The following FOCAD variants were observed in gnomAD, a reference collection of about 807,000 sequenced individuals.
The protein encoded by FOCAD is focadhesin, also known as KIAA1797.
FOCAD carries 198 observed loss-of-function variants against 225.6 expected under a neutral mutation model. The observed-to-expected ratio is 0.88, with a 90% confidence interval of 0.78 to 0.99. The LOEUF (loss-of-function observed/expected upper bound fraction) is 0.99, where lower values mean the gene tolerates loss of function less well. Ranked by LOEUF, FOCAD falls within the 50% of genes least tolerant of loss-of-function variation. The pLI, the probability that FOCAD is intolerant of heterozygous loss-of-function variation, is 0.00. For synonymous variants in FOCAD, 897 were observed against 755.0 expected, an observed-to-expected ratio of 1.19 and a Z score of -3.08; for missense variants, 2,713 against 2,123.6, an observed-to-expected ratio of 1.28 and a Z score of -5.46.
chr9:20,837,697 A>G (rs1390089106), intron 15 of FOCAD, among the ~76,000 whole-genome samples: 1 of 152,124 alleles, frequency 6.6e-6, no homozygotes, highest in East Asian at 1.9e-4. Context: ...AAGAATTATT[A>G]TATCTGTTTT....
intron 26 of FOCAD, among the ~76,000 whole-genome samples, chr9:20,926,851 G>T (rs996606087): frequency 6.6e-6 from 1 of 150,874 alleles, no homozygotes; most frequent in Non-Finnish European, 1.5e-5. Context: ...CTCAGCCCTG[G>T]CTATTTGTTA....
chr9:20,663,495 A>C (rs961518065), intron 2 of FOCAD, among the ~76,000 whole-genome samples: 6 of 151,722 alleles, frequency 4.0e-5, no homozygotes, highest in African/African-American at 1.5e-4. Context: ...ACACACACAC[A>C]CACACACACA....
rs562926570 is a variant in FOCAD, at chr9:20,939,741, T to A, written c.3408-4886T>A. ...TATTTTTTATTTTTTAAATTTATTTTATTTTTTTTCTTTCTTTTTTTTAAA... is the reference window on the plus strand; with the variant it reads ...TATTTTTTATTTTTTAAATTTATTTAATTTTTTTTCTTTCTTTTTTTTAAA... On this transcript the variant is annotated intron_variant, in intron 28 of 43. Transcript: ENST00000338382. Among the ~76,000 whole-genome samples the A allele has an allele frequency of 2.1e-3, 318 of 151,616 alleles. 2 individuals are homozygous for A. The highest frequency in any genetic ancestry group is 7.3e-3 in the African/African-American group (301 of 41,468).
Position 20,988,338 on chromosome 9 carries a change from T to G in FOCAD, c.4913T>G (p.Leu1638Trp). 4 of 1,602,958 alleles carry G rather than the reference T, an allele frequency of 2.5e-6. No individual in the cohort carries two copies. Among genetic ancestry groups the G allele is most frequent in the Non-Finnish European group, 3.4e-6 (4 of 1,173,658 alleles). Residue 1638 changes from leucine (L) to tryptophan (W), a missense_variant, in exon 41 of 44, where the codon TTG (leucine) becomes TGG (tryptophan). Physicochemically the swap from Leu to Trp is moderately conservative, Grantham distance 61. Transcript: ENST00000338382. ...RIVSHANTGV[L>W]KRMEWLLELM... ...AATACCCTTTTCATTTCAGGCGTTTTGAAGAGAATGGAGTGGCTCTTGGAA... is the reference window on the plus strand; with the variant it reads ...AATACCCTTTTCATTTCAGGCGTTTGGAAGAGAATGGAGTGGCTCTTGGAA...
chr9:20,880,066 A>T (rs1220769188), intron 19 of FOCAD, among the ~76,000 whole-genome samples: 1 of 152,214 alleles, frequency 6.6e-6, no homozygotes, highest in Admixed American at 6.5e-5. Context: ...GTGTATGTGT[A>T]TGCAGAAATT....
upstream of FOCAD, among the ~76,000 whole-genome samples, chr9:20,655,743 C>G (rs1230012272): frequency 1.3e-5 from 2 of 152,044 alleles, no homozygotes; most frequent in Admixed American, 6.6e-5. Context: ...GGAGTCATGA[C>G]TTTTTTGAAG....
intron 23 of FOCAD, among the ~76,000 whole-genome samples, chr9:20,916,252 T>A (rs990735249): frequency 2.6e-5 from 4 of 152,222 alleles, no homozygotes; most frequent in Admixed American, 2.0e-4. Flanking sequence ...TTACTTCATA[T>A]TGAAAATTCT....
intron 8 of FOCAD, among the ~76,000 whole-genome samples, chr9:20,771,801 G>T (rs144205374): frequency 1.3e-5 from 2 of 152,304 alleles, no homozygotes; most frequent in East Asian, 3.9e-4. Flanking sequence ...AGTTCTGAAG[G>T]CTGGAGAGTC....
At chr9:20,894,029 A>G (rs1375184979) in intron 21 of FOCAD, among the ~76,000 whole-genome samples, 1 of 152,052 alleles carries the variant, frequency 6.6e-6, no homozygotes, top group Non-Finnish European at 1.5e-5. Context: ...GCAATCTCCC[A>G]TTCATCCCTT....
chr9:20,799,412 T>C (rs201866064), intron 11 of FOCAD, among the ~76,000 whole-genome samples: 5 of 152,092 alleles, frequency 3.3e-5, no homozygotes, highest in Non-Finnish European at 7.4e-5. Flanking sequence ...TGTTAACTTT[T>C]TGTCTCGTTG....
intron 10 of FOCAD, 135 bp downstream of exon 10, chr9:20,782,064 A>T (rs866263292): frequency 8.5e-6 from 6 of 705,904 alleles, no homozygotes; most frequent in Middle Eastern, 4.1e-4. Flanking sequence ...GCTGTTGGAG[A>T]TCTCAACATA....
At chr9:20,921,205 T>C (rs534706166) in intron 24 of FOCAD, among the ~76,000 whole-genome samples, 5 of 152,318 alleles carry the variant, frequency 3.3e-5, no homozygotes, top group African/African-American at 9.6e-5. Flanking sequence ...CACTGAAGTA[T>C]TGAGTCACTT....
At chr9:20,855,814 A>G (rs1410891390) in intron 15 of FOCAD, among the ~76,000 whole-genome samples, 2 of 123,276 alleles carry the variant, frequency 1.6e-5, no homozygotes, top group African/African-American at 2.6e-5. Flanking sequence ...TTTTTTTTTA[A>G]CACTTCCACA....
intron 10 of FOCAD, chr9:20,786,997 T>C (rs1819987878): frequency 2.1e-6 from 1 of 482,460 alleles, no homozygotes; most frequent in Non-Finnish European, 4.1e-6. Flanking sequence ...GAGAAAACGC[T>C]TGATTGCATC....
intron 39 of FOCAD, among the ~76,000 whole-genome samples, chr9:20,984,515 T>C (rs999301947): frequency 2.0e-5 from 3 of 152,198 alleles, no homozygotes; most frequent in African/African-American, 7.2e-5. Flanking sequence ...ATGAACATGA[T>C]TAATAAAAAA....
intron 24 of FOCAD, among the ~76,000 whole-genome samples, chr9:20,919,715 G>T (rs1403289768): frequency 6.6e-6 from 1 of 152,148 alleles, no homozygotes; most frequent in African/African-American, 2.4e-5. Flanking sequence ...ATGGGGAAAG[G>T]ATTCCCTATT....
intron 43 of FOCAD, among the ~76,000 whole-genome samples, chr9:20,993,682 G>A (rs754346319): frequency 3.3e-5 from 5 of 152,088 alleles, no homozygotes; most frequent in Non-Finnish European, 7.4e-5. Flanking sequence ...TTGTCATATT[G>A]AGGCTCAAAA....
At chr9:20,831,515 ATGG>A (rs1159185657) in intron 15 of FOCAD, among the ~76,000 whole-genome samples, 3 of 152,090 alleles carry the variant, frequency 2.0e-5, no homozygotes, top group Admixed American at 2.0e-4. Flanking sequence ...TAGGGGAAAC[ATGG>A]TGTTAAGTAC....
At position 20,874,720 on chromosome 9, in the gene FOCAD, G is replaced by A. The variant is rs543197802; in HGVS notation, c.2230G>A (p.Asp744Asn). Reference protein sequence around the residue: ...EIPIPEELDDDEDVEDVDLSV... With the variant: ...EIPIPEELDDNEDVEDVDLSV... ...TCCCATTCCTGAAGAGTTAGATGAC[G>A]ATGAAGATGTTGAGGATGTGGATCT... is the stretch of plus-strand genomic sequence containing the variant. Residue 744 changes from aspartate to asparagine, a missense_variant, in exon 19 of 44, where the codon GAT (aspartate) becomes AAT (asparagine). Asp to Asn is a conservative substitution (Grantham distance 23, BLOSUM62 1). Transcript: ENST00000338382. 1.5e-5 allele frequency: 24 copies of A among 1,613,500 alleles called. No individual in the cohort carries two copies. The East Asian group carries it at 3.3e-4, about 23-fold the overall frequency.
Sources: allele counts gnomAD v4.1 joint callset (sites outside exome capture counted in the v4.1 genomes callset), GRCh38; gene constraint gnomAD v4.1.1; transcripts MANE v1.5; gene names NCBI Gene and HGNC (gene_info 2026-07-23, HGNC 2026-07-21).